Variants in CREB5 observed in about 807,000 individuals in gnomAD.
CREB5 encodes cAMP responsive element binding protein 5.
In CREB5, 19 loss-of-function variants were observed where a neutral mutation model predicts 57.1. The observed-to-expected ratio is 0.33, with a 90% CI of 0.23 to 0.49. The LOEUF (loss-of-function observed/expected upper bound fraction) is 0.49. Ranked by LOEUF, CREB5 falls within the 20% of genes least tolerant of loss-of-function variation. The pLI is 0.99. For missense variants in CREB5, 579 were observed against 671.6 expected, an observed-to-expected ratio of 0.86 and a Z score of 1.52; for synonymous variants, 238 against 238.3, an observed-to-expected ratio of 1.00 and a Z score of 0.01.
At chr7:28,446,287 A>G (rs892857379) in intron 1 of CREB5, among the ~76,000 whole-genome samples, 4 of 152,140 alleles carry the variant, frequency 2.6e-5, no homozygotes, top group Non-Finnish European at 5.9e-5. Context: ...TTTGGAGCTA[A>G]CTTGGTGGGA....
chr7:28,582,912 T>TTA (rs1287535469), intron 5 of CREB5, among the ~76,000 whole-genome samples: 6 of 152,126 alleles, frequency 3.9e-5, no homozygotes, highest in African/African-American at 1.4e-4. Flanking sequence ...TTTTTAAAAT[T>TTA]AAATAAGTAA....
intron 1 of CREB5, among the ~76,000 whole-genome samples, chr7:28,353,502 C>CGT (rs1786277113): frequency 8.6e-5 from 13 of 152,032 alleles, no homozygotes; most frequent in African/African-American, 3.1e-4. Flanking sequence ...AGTTTATGTG[C>CGT]ATACATATAA....
In CREB5 at chr7:28,819,671, G is replaced by A. The variant is rs1161034623; in HGVS notation, c.*392G>A. 1 of 158,834 alleles carries A rather than the reference G, an allele frequency of 6.3e-6. No homozygotes were observed. The highest frequency in any genetic ancestry group is 1.4e-5 in the Non-Finnish European group (1 of 71,938). 9.8% of individuals were successfully genotyped at this position (158,834 alleles called of 1,614,324 possible). A position where few individuals can be genotyped will look rare whatever the true frequency, so the allele number is the denominator to read the frequency against. On this transcript the variant is annotated 3_prime_UTR_variant, in exon 11 of 11. Transcript: ENST00000357727. ...GTATACCTAGATGTCAAGTAAGACAGATCCAAGGTAACTGGGTAGGAAATC... is the reference window on the plus strand; with the variant it reads ...GTATACCTAGATGTCAAGTAAGACAAATCCAAGGTAACTGGGTAGGAAATC...
At chr7:28,713,042 A>T (rs532031164) in intron 5 of CREB5, among the ~76,000 whole-genome samples, 3 of 152,186 alleles carry the variant, frequency 2.0e-5, no homozygotes, top group Admixed American at 2.0e-4. Context: ...CACATATTTT[A>T]AAAAATTTTT....
chr7:28,447,356 A>G (rs1469369145), intron 1 of CREB5, among the ~76,000 whole-genome samples: 1 of 152,218 alleles, frequency 6.6e-6, no homozygotes, highest in Non-Finnish European at 1.5e-5. Context: ...AATGAAGATG[A>G]GGTTTTCTAG....
chr7:28,340,137 G>A (rs1256018814), intron 1 of CREB5, among the ~76,000 whole-genome samples: 1 of 152,108 alleles, frequency 6.6e-6, no homozygotes, highest in Admixed American at 6.5e-5. Flanking sequence ...CCCCACTGTG[G>A]CCAAACTCGT....
At chr7:28,811,820 A>G (rs776920652) in intron 9 of CREB5, among the ~76,000 whole-genome samples, 2 of 152,264 alleles carry the variant, frequency 1.3e-5, no homozygotes, top group Non-Finnish European at 2.9e-5. Flanking sequence ...TAAGTAAATA[A>G]AAGTTCTTGT....
At chr7:28,524,334 C>CACACACACAG (rs2128618020) in intron 4 of CREB5, among the ~76,000 whole-genome samples, 1 of 150,830 alleles carries the variant, frequency 6.6e-6, no homozygotes, top group Admixed American at 6.6e-5. Context: ...CACACACACA[C>CACACACACAG]ACACACACAC....
chr7:28,779,008 C>T lies in CREB5; in HGVS notation c.703-25191C>T, dbSNP rs190739482. On this transcript the variant is annotated intron_variant, in intron 7 of 10. Coordinates refer to ENST00000357727, the MANE Select transcript of CREB5 (RefSeq NM_182898.4). Reference sequence around the variant, plus strand: ...CCTTCTGGATGCATTTGCAATCTTACAAAGAGCTTCTGGTGACTCAGAAAA... The same window carrying T: ...CCTTCTGGATGCATTTGCAATCTTATAAAGAGCTTCTGGTGACTCAGAAAA... The T allele has an allele frequency of 5.9e-5, 9 of 152,312 alleles. No individual in the cohort carries two copies. In the South Asian group the frequency reaches 1.7e-3, roughly 28 times the overall value. 9.4% of individuals were successfully genotyped at this position (152,312 alleles called of 1,614,324 possible).
intron 5 of CREB5, among the ~76,000 whole-genome samples, chr7:28,713,862 T>C (rs902004831): frequency 1.3e-5 from 2 of 152,204 alleles, no homozygotes; most frequent in Admixed American, 6.6e-5. Context: ...TCCCTGAAGC[T>C]TTTTGTTTTT....
intron 3 of CREB5, among the ~76,000 whole-genome samples, chr7:28,496,798 G>GTT (rs10542662): frequency 1.3e-5 from 2 of 148,308 alleles, no homozygotes; most frequent in Non-Finnish European, 3.0e-5. Context: ...GTTTGTTATT[G>GTT]TTTTTTTTTT....
intron 5 of CREB5, chr7:28,615,185 CT>C (rs1229391818): frequency 6.6e-6 from 1 of 152,018 alleles, no homozygotes; most frequent in Non-Finnish European, 1.5e-5. Context: ...ATAAGAGACT[CT>C]GTTAATGTGG....
chr7:28,550,774 T>G (rs1206147262), intron 4 of CREB5, among the ~76,000 whole-genome samples: 1 of 152,220 alleles, frequency 6.6e-6, no homozygotes, highest in Non-Finnish European at 1.5e-5. Context: ...ACTGTAACAT[T>G]GTGGTGAATG....
chr7:28,801,496 T>G (rs180752888), intron 7 of CREB5, among the ~76,000 whole-genome samples: 1 of 152,260 alleles, frequency 6.6e-6, no homozygotes, highest in East Asian at 1.9e-4. Context: ...AACCCAGCAA[T>G]TCCCCAGATT....
chr7:28,672,978 C>G (rs1219971859), intron 5 of CREB5, among the ~76,000 whole-genome samples: 1 of 152,126 alleles, frequency 6.6e-6, no homozygotes, highest in Non-Finnish European at 1.5e-5. Flanking sequence ...CTTGAGTCCC[C>G]TGGACCCCAG....
At chr7:28,716,321 G>A (rs1005783939) in intron 5 of CREB5, among the ~76,000 whole-genome samples, 4 of 152,108 alleles carry the variant, frequency 2.6e-5, no homozygotes, top group African/African-American at 9.7e-5. Flanking sequence ...TGTCCCATGA[G>A]CATGATATTG....
chr7:28,560,915 CGTGTGTGCGCGT>C (rs1795176681), intron 4 of CREB5, among the ~76,000 whole-genome samples: 4 of 16,872 alleles, frequency 2.4e-4, no homozygotes, highest in Admixed American at 5.7e-4. Context: ...CGTGCGTGTG[CGTGTGTGCGCGT>C]GCGTGTGTGC....
intron 1 of CREB5, among the ~76,000 whole-genome samples, chr7:28,459,369 A>G (rs569701696): frequency 1.2e-4 from 19 of 152,218 alleles, no homozygotes; most frequent in Non-Finnish European, 2.4e-4. Flanking sequence ...GAAAATAAGG[A>G]TCAGGCAAAG....
intron 1 of CREB5, among the ~76,000 whole-genome samples, chr7:28,418,042 A>G (rs1788093059): frequency 6.6e-6 from 1 of 152,162 alleles, no homozygotes. Context: ...GTATTTTGCC[A>G]GCTTACTCTT....
Sources: allele counts gnomAD v4.1 joint callset (sites outside exome capture counted in the v4.1 genomes callset), GRCh38; gene constraint gnomAD v4.1.1; transcripts MANE v1.5; gene names NCBI Gene and HGNC (gene_info 2026-07-23, HGNC 2026-07-21).